The following BLTP2 variants were observed in gnomAD, a reference collection of about 807,000 sequenced individuals.
BLTP2 encodes bridge-like lipid transfer protein family member 2.
chr17:28,618,974 G>GT, the BLTP2 span: 2 of 1,611,690 alleles, frequency 1.2e-6, no homozygotes, highest in African/African-American at 1.3e-5. Flanking sequence ...TAAAACACCT[G>GT]TAAGTGGACA....
chr17:28,634,122 G>GACTGCCCCT, the BLTP2 span: 1 of 1,585,368 alleles, frequency 6.3e-7, no homozygotes, highest in Non-Finnish European at 8.6e-7. Context: ...TGGCTACTCA[G>GACTGCCCCT]GGGCAGTCTG....
chr17:28,642,780 A>G, the BLTP2 span: 1 of 760,396 alleles, frequency 1.3e-6, no homozygotes, highest in Non-Finnish European at 2.3e-6. Flanking sequence ...AACTGCACAG[A>G]ATGAGAACTT....
At chr17:28,615,307 A>T in the BLTP2 span, 1 of 1,384,032 alleles carries the variant, frequency 7.2e-7, no homozygotes, top group Non-Finnish European at 1.0e-6. Flanking sequence ...AGAATAAATC[A>T]AAATGAACCA....
the BLTP2 span, chr17:28,633,486 A>G: frequency 1.3e-6 from 2 of 1,586,568 alleles, no homozygotes; most frequent in Non-Finnish European, 1.7e-6. Flanking sequence ...CTCTTCCCAC[A>G]TGTGCTATAC....
chr17:28,639,759 G>A, the BLTP2 span: 1 of 1,406,510 alleles, frequency 7.1e-7, no homozygotes, highest in Admixed American at 1.7e-5. Flanking sequence ...CTTGTGAGCT[G>A]GGGCTATTTT....
At chr17:28,635,925 G>A in the BLTP2 span, 3 of 223,034 alleles carry the variant, frequency 1.3e-5, no homozygotes, top group African/African-American at 6.9e-5. Flanking sequence ...ATAGACAGCA[G>A]GTACTCAATA....
chr17:28,621,480 GCTC>G, the BLTP2 span: 1 of 1,614,048 alleles, frequency 6.2e-7, no homozygotes, highest in Non-Finnish European at 8.5e-7. Flanking sequence ...CGCTGCCGGT[GCTC>G]CTCGATATTC....
chr17:28,616,271 T>G, the BLTP2 span: 1 of 1,600,932 alleles, frequency 6.2e-7, no homozygotes, highest in South Asian at 1.1e-5. This position sits in a 1 kb window ranked among gnomAD's most constrained non-coding sequence, Gnocchi z 4.8. Flanking sequence ...ATCTCCCTCT[T>G]CTTTTATCCC....
chr17:28,616,863 A>C, the BLTP2 span: 1 of 1,603,748 alleles, frequency 6.2e-7, no homozygotes, highest in Non-Finnish European at 8.5e-7. This position sits in a 1 kb window ranked among gnomAD's most constrained non-coding sequence, Gnocchi z 4.8. Flanking sequence ...CCTTGTTCCC[A>C]GGTCCCTAAG....
chr17:28,635,450 A>T, the BLTP2 span: 1 of 1,614,172 alleles, frequency 6.2e-7, no homozygotes, highest in Non-Finnish European at 8.5e-7. Flanking sequence ...TCTAGCTCAG[A>T]AGTAGTTCCT....
At chr17:28,640,439 A>T in the BLTP2 span, 1 of 1,030,826 alleles carries the variant, frequency 9.7e-7, no homozygotes, top group South Asian at 1.4e-5. Flanking sequence ...ACATGGATGT[A>T]ACCATTTCTA....
chr17:28,635,314 GAC>G, the BLTP2 span: 1 of 1,614,200 alleles, frequency 6.2e-7, no homozygotes. Flanking sequence ...CCGGCTCAGT[GAC>G]ACACTCTCTG....
the BLTP2 span, chr17:28,639,801 G>T: frequency 6.7e-7 from 1 of 1,498,134 alleles, no homozygotes; most frequent in Non-Finnish European, 9.3e-7. Flanking sequence ...CCACTCCCCA[G>T]TTACACTGAG....
chr17:28,642,995 G>A, the BLTP2 span: 50 of 1,552,874 alleles, frequency 3.2e-5, no homozygotes, highest in Non-Finnish European at 4.4e-5. Context: ...TAGCTGGAAG[G>A]AAGAAGCAAG....
the BLTP2 span, chr17:28,641,999 G>T: frequency 2.5e-6 from 4 of 1,614,224 alleles, 1 homozygote; most frequent in Middle Eastern, 6.6e-4. Flanking sequence ...CACAGTGATA[G>T]CAGTGAGATG....
At chr17:28,639,726 G>T in the BLTP2 span, 1 of 1,434,904 alleles carries the variant, frequency 7.0e-7, no homozygotes, top group Non-Finnish European at 9.8e-7. Flanking sequence ...GCCGGCAAAG[G>T]GATCAACAGA....
chr17:28,624,055 C>T, the BLTP2 span: 2 of 1,416,786 alleles, frequency 1.4e-6, no homozygotes, highest in Non-Finnish European at 2.0e-6. Flanking sequence ...AGGTCTAATG[C>T]TGGCTTACCA....
chr17:28,642,911 T>A, the BLTP2 span: 7 of 1,610,710 alleles, frequency 4.3e-6, no homozygotes, highest in Admixed American at 6.7e-5. Flanking sequence ...TCTACTGATC[T>A]GAATATGCCA....
chr17:28,634,048 G>A, the BLTP2 span: 79 of 1,614,086 alleles, frequency 4.9e-5, no homozygotes, highest in African/African-American at 5.6e-4. Flanking sequence ...CGCCAGTCAC[G>A]GATCTCAAAC....
Sources: gnomAD v4.1 joint callset for allele counts on GRCh38, gnomAD v4.1.1 for gene constraint, Gnocchi (gnomAD v3.1) non-coding constraint, MANE v1.5 for transcripts, NCBI Gene and HGNC (gene_info 2026-07-23, HGNC 2026-07-21) for gene names.